Variants in FMNL2 observed in about 807,000 individuals in gnomAD.
FMNL2 encodes formin-like protein 2.
Under a neutral mutation model 130.2 loss-of-function variants are expected in FMNL2, and 51 were observed. That is an observed-to-expected ratio of 0.39 (90% CI 0.31 to 0.49). The LOEUF is 0.49. Among genes scored for constraint, FMNL2 ranks in the 20% least tolerant of loss-of-function variants. FMNL2 has a pLI of 0.85. For synonymous variants in FMNL2, 465 were observed against 467.1 expected (o/e 1.00, Z 0.06); for missense variants, 977 against 1,316.2 (o/e 0.74, Z 3.99).
chr2:152,421,605 C>G (rs527961119), intron 1 of FMNL2, among the ~76,000 whole-genome samples: 2 of 152,158 alleles, frequency 1.3e-5, no homozygotes, highest in African/African-American at 4.8e-5. Context: ...TGGCTTTCTC[C>G]AAAGCCTTCT....
chr2:152,639,305 CCTT>C (rs1306292397), intron 23 of FMNL2, among the ~76,000 whole-genome samples: 1 of 152,194 alleles, frequency 6.6e-6, no homozygotes, highest in Non-Finnish European at 1.5e-5. Flanking sequence ...GTGTCTGTGA[CCTT>C]CTGCTTCAGC....
intron 9 of FMNL2, among the ~76,000 whole-genome samples, chr2:152,601,667 C>CT (rs36031692): frequency 0.68 from 90,087 of 131,830 alleles, 31,396 homozygotes; most frequent in Non-Finnish European, 0.76. Context: ...CTTTTCTTTT[C>CT]TTTCTTTTTT....
At chr2:152,364,287 TTTTTTA>T (rs1683380870) in intron 1 of FMNL2, among the ~76,000 whole-genome samples, 11 of 132,006 alleles carry the variant, frequency 8.3e-5, no homozygotes, top group South Asian at 2.4e-4. Context: ...TTTTTTTTTT[TTTTTTA>T]CCAGATCCTT....
chr2:152,457,363 G>A (rs1482454578), intron 1 of FMNL2, among the ~76,000 whole-genome samples: 3 of 152,166 alleles, frequency 2.0e-5, no homozygotes, highest in Admixed American at 6.5e-5. Flanking sequence ...ATATGGATTT[G>A]CTCTAAGACT....
At chr2:152,593,902 T>TGTGTGTGTGTGAGAGA (rs1296082394) in intron 9 of FMNL2, among the ~76,000 whole-genome samples, 1 of 81,636 alleles carries the variant, frequency 1.2e-5, no homozygotes, top group East Asian at 3.8e-4. Flanking sequence ...TGTGTGTGTG[T>TGTGTGTGTGTGAGAGA]GAGAGAGAGA....
At chr2:152,353,793 G>A (rs540198648) in intron 1 of FMNL2, among the ~76,000 whole-genome samples, 2 of 152,286 alleles carry the variant, frequency 1.3e-5, no homozygotes, top group Admixed American at 6.5e-5. Flanking sequence ...CTTTATTAAA[G>A]CACTGGCTTT....
intron 4 of FMNL2, among the ~76,000 whole-genome samples, chr2:152,552,508 C>G (rs1694991837): frequency 6.6e-6 from 1 of 152,220 alleles, no homozygotes; most frequent in African/African-American, 2.4e-5. Context: ...AGATAACATT[C>G]TGAGCTGCAG....
intron 21 of FMNL2, among the ~76,000 whole-genome samples, chr2:152,635,822 A>G (rs1469456837): frequency 1.3e-5 from 2 of 152,218 alleles, no homozygotes; most frequent in African/African-American, 4.8e-5. Flanking sequence ...CTAGTAATCA[A>G]TACAACCTAT....
intron 9 of FMNL2, among the ~76,000 whole-genome samples, chr2:152,601,288 T>C (rs1054938420): frequency 7.1e-6 from 1 of 140,218 alleles, no homozygotes; most frequent in Admixed American, 7.5e-5. Flanking sequence ...CTTTCTTTCT[T>C]TTCTTTTCTT....
intron 25 of FMNL2, among the ~76,000 whole-genome samples, chr2:152,642,622 G>GC (rs1451065798): frequency 2.0e-5 from 3 of 152,358 alleles, no homozygotes; most frequent in African/African-American, 7.2e-5. Flanking sequence ...AAGACCAGGA[G>GC]CAGAGCTCCT....
chr2:152,569,680 CAAAAAA>C (rs35114358), intron 6 of FMNL2, among the ~76,000 whole-genome samples: 6 of 104,524 alleles, frequency 5.7e-5, no homozygotes, highest in Non-Finnish European at 5.7e-5. Context: ...GACCCTGTCT[CAAAAAA>C]AAAAAAAAAA....
In FMNL2 at chr2:152,628,481, C is replaced by T; in HGVS notation, c.2348C>T (p.Thr783Ile). The T allele has an allele frequency of 1.2e-6, 2 of 1,613,996 alleles. No homozygotes were observed. Among genetic ancestry groups the T allele is most frequent in the Admixed American group, 1.7e-5 (1 of 60,014 alleles). Reference sequence around the variant, plus strand: ...ATCGAGAGGCTCATGCAGAAGATGACCATCATGGCCTTCATTGGGAACTTT... The same window carrying T: ...ATCGAGAGGCTCATGCAGAAGATGATCATCATGGCCTTCATTGGGAACTTT... The part of the protein sequence containing the change: ...SKIERLMQKM[T>I]IMAFIGNFAE... The change falls in exon 18 of 26, where the codon ACC (threonine) becomes ATC (isoleucine). Residue 783 changes from threonine to isoleucine, a missense_variant. Physicochemically the swap from Thr to Ile is moderately conservative, Grantham distance 89. Transcript: ENST00000288670.
chr2:152,618,591 TGCAGGGAAAATTGAGTTA>T (rs1699073814), intron 13 of FMNL2, among the ~76,000 whole-genome samples: 1 of 152,206 alleles, frequency 6.6e-6, no homozygotes, highest in African/African-American at 2.4e-5. Context: ...TCTTTCCACC[TGCAGGGAAAATTGAGTTA>T]GCTGCATTTA....
rs550355684 is a variant in FMNL2 at position 152,557,261 on chromosome 2, C to G, written c.360-1479C>G. On this transcript the variant is annotated intron_variant, in intron 4 of 25. Coordinates refer to ENST00000288670, the MANE Select transcript of FMNL2 (RefSeq NM_052905.4). ...AACTTCAGCCTCCACCAGTAGCCAG[C>G]CCTGTTAGTTTTGTCTAGGTCTCAT... is the stretch of plus-strand genomic sequence containing the variant. Among the ~76,000 whole-genome samples the G allele has an allele frequency of 1.0e-3, 154 of 152,216 alleles. 1 individual carries two copies. The highest frequency in any genetic ancestry group is 3.7e-3 in the African/African-American group (152 of 41,536).
chr2:152,595,659 A>T (rs1697723205), intron 9 of FMNL2, among the ~76,000 whole-genome samples: 1 of 152,050 alleles, frequency 6.6e-6, no homozygotes, highest in African/African-American at 2.4e-5. Flanking sequence ...TCCCAGACAA[A>T]TTTGTTTACT....
chr2:152,647,874 G>A lies in FMNL2; in HGVS notation c.3248G>A (p.Arg1083His), dbSNP rs371321539. 60 of 1,613,852 alleles carry A rather than the reference G, an allele frequency of 3.7e-5. No homozygotes were observed. Among genetic ancestry groups the A allele is most frequent in the African/African-American group, 1.6e-4 (12 of 75,044 alleles). ...CGGCGCTTTGATGATCAGAACTTGCGTTCTGTTAATGGTGCCGAAATAACA... is the reference window on the plus strand; with the variant it reads ...CGGCGCTTTGATGATCAGAACTTGCATTCTGTTAATGGTGCCGAAATAACA... ...VRRRFDDQNL[R>H]SVNGAEITM Residue 1083 changes from arginine to histidine, a missense_variant, in exon 26 of 26, where the codon CGT becomes CAT. Around this residue, in one of 4 missense-constraint regions of FMNL2, gnomAD observed 168 missense variants for 168.8 expected, o/e 1.00. Coordinates refer to ENST00000288670, the MANE Select transcript of FMNL2 (RefSeq NM_052905.4).
In FMNL2 at chr2:152,375,877, C is replaced by CTCTATATATATATATA. The variant is rs796954245; in HGVS notation, c.117+40158_117+40159insCTATATATATATATAT. ...TCTCTCTCTCTCTCTCTCTCTCTCT[C>CTCTATATATATATATA]TATATATATATATATATATAATTAT... On this transcript the variant is annotated intron_variant, in intron 1 of 25. Coordinates refer to ENST00000288670, the MANE Select transcript of FMNL2 (RefSeq NM_052905.4). 1.8e-3 allele frequency among the ~76,000 whole-genome samples: 207 copies of CTCTATATATATATATA among 112,440 alleles called. 2 individuals are homozygous for CTCTATATATATATATA. The highest frequency in any genetic ancestry group is 2.5e-3 in the Non-Finnish European group (147 of 59,228). The allele number at this position is 112,440 out of a possible 152,430, so 73.8% of individuals were successfully genotyped here. A position where few individuals can be genotyped will look rare whatever the true frequency, so the allele number is the denominator to read the frequency against.
chr2:152,401,565 C>G (rs1305107864), intron 1 of FMNL2, among the ~76,000 whole-genome samples: 1 of 152,156 alleles, frequency 6.6e-6, no homozygotes, highest in Admixed American at 6.5e-5. Context: ...TGCAAAATAT[C>G]AAAGAATAAG....
chr2:152,456,779 T>TA lies in FMNL2; in HGVS notation c.118-65156dup, dbSNP rs978519833. On this transcript the variant is annotated intron_variant, in intron 1 of 25. Coordinates refer to ENST00000288670, the MANE Select transcript of FMNL2 (RefSeq NM_052905.4). ...CAACATGGTGAAACCCTGTCTCTAC[T>TA]AAAAAAAATACAAAAATTAACCAGG... Among the ~76,000 whole-genome samples the TA allele has an allele frequency of 1.6e-4, 24 of 151,386 alleles. No homozygotes were observed. In the South Asian group the frequency reaches 1.9e-3, roughly 12 times the overall value.
Sources: gnomAD v4.1 joint callset for allele counts (sites outside exome capture counted in the v4.1 genomes callset) on GRCh38, gnomAD v4.1.1 for gene constraint, gnomAD v4.1.1 regional missense constraint, MANE v1.5 for transcripts, NCBI Gene and HGNC (gene_info 2026-07-23, HGNC 2026-07-21) for gene names.